MYO9B: variants seen among roughly 807,000 people sequenced by gnomAD.
The protein encoded by MYO9B is unconventional myosin-IXb.
MYO9B carries 71 observed loss-of-function variants against 229.5 expected under a neutral mutation model. The observed-to-expected ratio is 0.31, with a 90% confidence interval of 0.26 to 0.38. The LOEUF is 0.38. MYO9B is among the 10% of genes least tolerant of loss of function. MYO9B has a pLI of 1.00. For missense variants in MYO9B, 2,255 were observed against 2,920.5 expected (o/e 0.77, Z 5.25); for synonymous variants, 1,185 against 1,235.8 (o/e 0.96, Z 0.86).
intron 2 of MYO9B, among the ~76,000 whole-genome samples, chr19:17,139,107 G>T (rs1404084255): frequency 6.6e-6 from 1 of 152,176 alleles, no homozygotes; most frequent in Non-Finnish European, 1.5e-5. Context: ...AACCTGGGAG[G>T]TGGAGGTTGC....
At chr19:17,088,754 C>A (rs1455022213) in intron 1 of MYO9B, among the ~76,000 whole-genome samples, 1 of 152,010 alleles carries the variant, frequency 6.6e-6, no homozygotes, top group East Asian at 1.9e-4. Context: ...GCAGTGGCGC[C>A]ATCACGGCTC....
At position 17,101,930 on chromosome 19, in the gene MYO9B, G is replaced by A. The variant is rs373469531; in HGVS notation, c.213G>A (p.Ser71=). The A allele has an allele frequency of 1.9e-5, 31 of 1,613,446 alleles. No individual in the cohort carries two copies. Among genetic ancestry groups the A allele is most frequent in the East Asian group, 1.6e-4 (7 of 44,888 alleles). The part of the protein sequence containing the change: ...KCYVLVEVKE[S]GGEEWVLDAN... ...ATGTGCTGGTGGAGGTCAAAGAGTC[G>A]GGAGGCGAGGAATGGGTGCTGGACG... The change falls in exon 2 of 40, where the codon TCG becomes TCA. Residue 71 remains serine (S), a synonymous_variant. Transcript: ENST00000682292. This position sits in a 1 kb window ranked among gnomAD's most constrained non-coding sequence, Gnocchi z 4.7.
intron 17 of MYO9B, among the ~76,000 whole-genome samples, chr19:17,185,327 T>C (rs1226512626): frequency 6.9e-6 from 1 of 145,806 alleles, no homozygotes. Flanking sequence ...TGAGCCGAGA[T>C]GGCGCCACTG....
At chr19:17,119,213 A>G (rs1471080785) in intron 2 of MYO9B, among the ~76,000 whole-genome samples, 1 of 152,146 alleles carries the variant, frequency 6.6e-6, no homozygotes, top group Non-Finnish European at 1.5e-5. Context: ...TGCCACCATC[A>G]TCCTTTTAAG....
chr19:17,200,934 C>A, intron 26 of MYO9B, 105 bp downstream of exon 26: 1 of 1,310,082 alleles, frequency 7.6e-7, no homozygotes, highest in Non-Finnish European at 1.1e-6. Flanking sequence ...TTTAGCAGGT[C>A]AAGAATACAA....
At chr19:17,189,715 A>G (rs1020237840) in intron 19 of MYO9B, among the ~76,000 whole-genome samples, 2 of 152,012 alleles carry the variant, frequency 1.3e-5, no homozygotes, top group Non-Finnish European at 2.9e-5. Context: ...GTTCCCAGCC[A>G]CCTCGACCAT....
At chr19:17,150,487 G>A (rs2072465214) in intron 3 of MYO9B, among the ~76,000 whole-genome samples, 1 of 152,060 alleles carries the variant, frequency 6.6e-6, no homozygotes, top group South Asian at 2.1e-4. Context: ...GCTGTCCCCT[G>A]GCCCTGCCAC....
intron 2 of MYO9B, among the ~76,000 whole-genome samples, chr19:17,115,905 G>A (rs191189621): frequency 1.3e-5 from 2 of 152,066 alleles, no homozygotes; most frequent in Admixed American, 6.6e-5. Flanking sequence ...ACATACATAC[G>A]TATTCATAAA....
intron 1 of MYO9B, among the ~76,000 whole-genome samples, chr19:17,100,063 AG>A (rs1353714137): frequency 6.6e-6 from 1 of 151,270 alleles, no homozygotes; most frequent in African/African-American, 2.4e-5. Flanking sequence ...TGGAGGTTGC[AG>A]TGAGCCGACA....
chr19:17,121,934 C>G (rs1464471944), intron 2 of MYO9B, among the ~76,000 whole-genome samples: 1 of 151,546 alleles, frequency 6.6e-6, no homozygotes, highest in Non-Finnish European at 1.5e-5. Flanking sequence ...TGTGTTGAGC[C>G]AGGATCGTGC....
intron 2 of MYO9B, among the ~76,000 whole-genome samples, chr19:17,118,841 G>C (rs897080782): frequency 7.2e-5 from 11 of 152,126 alleles, no homozygotes; most frequent in Non-Finnish European, 1.5e-5. Flanking sequence ...TGTGGAGGGA[G>C]CTGTTTGTGG....
chr19:17,116,443 G>A (rs1221823529), intron 2 of MYO9B, among the ~76,000 whole-genome samples: 14 of 152,218 alleles, frequency 9.2e-5, no homozygotes, highest in Non-Finnish European at 4.4e-5. Context: ...GGAGCTTGCA[G>A]TTGGGGGATA....
At chr19:17,082,893 C>T (rs745462508) in intron 1 of MYO9B, among the ~76,000 whole-genome samples, 2 of 152,064 alleles carry the variant, frequency 1.3e-5, no homozygotes, top group Non-Finnish European at 2.9e-5. Flanking sequence ...GGGGCAGGTA[C>T]GTCCTCAAGG....
intron 3 of MYO9B, among the ~76,000 whole-genome samples, chr19:17,149,624 G>A (rs1450062452): frequency 2.0e-5 from 3 of 152,148 alleles, no homozygotes; most frequent in Non-Finnish European, 4.4e-5. Flanking sequence ...GGCTCAGACC[G>A]GTTCTGCTTT....
At position 17,130,805 on chromosome 19, in the gene MYO9B, A is replaced by G. The variant is rs190042963; in HGVS notation, c.841-14592A>G. Among the ~76,000 whole-genome samples, 273 of 151,884 alleles carry G rather than the reference A, an allele frequency of 1.8e-3. 2 individuals are homozygous for G. Among genetic ancestry groups the G allele is most frequent in the Middle Eastern group, 0.01 (3 of 294 alleles). On this transcript the variant is annotated intron_variant, in intron 2 of 39. Transcript: ENST00000682292. ...AAAAAAAAATCTAGAATTTTTGCCT[A>G]CATAGGACGTTCAACCCTGGATGTC...
chr19:17,192,792 A>T lies in MYO9B; in HGVS notation c.2858A>T (p.His953Leu). 6.4e-7 allele frequency: 1 copy of T among 1,559,354 alleles called. No individual in the cohort carries two copies. Among genetic ancestry groups the T allele is most frequent in the Non-Finnish European group, 8.7e-7 (1 of 1,152,506 alleles). The change falls in exon 21 of 40, where the codon CAC (histidine) becomes CTC (leucine). Residue 953 changes from histidine to leucine, a missense_variant. Transcript: ENST00000682292. ...CGGCAAGCCCTGCAGGAGACGCTGC[A>T]CCGGGAGGTGGTGCGGAAAATCCTG... ...TERQALQETLHREVVRKILLL... is the reference protein window; with the variant it reads ...TERQALQETLLREVVRKILLL...
rs2072219443 is a variant in MYO9B, at chr19:17,132,882, T to C, written c.841-12515T>C. On this transcript the variant is annotated intron_variant, in intron 2 of 39. Transcript: ENST00000682292. ...ATTTATTTTTGAGACGGAGTCTCGC[T>C]CTGTCACCAGGCTGGAGTGCAGTGG... Among the ~76,000 whole-genome samples the C allele has an allele frequency of 2.7e-5, 4 of 147,802 alleles. No individual in the cohort carries two copies. The South Asian group carries it at 8.5e-4, about 32-fold the overall frequency.
intron 18 of MYO9B, 109 bp downstream of exon 18, chr19:17,186,110 G>A: frequency 5.2e-6 from 5 of 960,976 alleles, no homozygotes; most frequent in South Asian, 4.2e-5. Flanking sequence ...GGACGGTGCA[G>A]CAGTCCATCC....
At chr19:17,186,022 T>G (rs753028085) in intron 18 of MYO9B, 21 bp downstream of exon 18, 30 of 1,609,912 alleles carry the variant, frequency 1.9e-5, no homozygotes, top group Middle Eastern at 3.3e-4. Flanking sequence ...CTAAGGTGTT[T>G]GGGAGGAGAA....
Sources: allele counts gnomAD v4.1 joint callset (sites outside exome capture counted in the v4.1 genomes callset), GRCh38; gene constraint gnomAD v4.1.1; non-coding constraint Gnocchi (gnomAD v3.1); transcripts MANE v1.5; gene names NCBI Gene and HGNC (gene_info 2026-07-23, HGNC 2026-07-21).